Variants in TRIM71 observed in about 807,000 individuals in gnomAD.
TRIM71 encodes tripartite motif containing 71.
TRIM71 carries 9 observed loss-of-function variants against 61.2 expected under a neutral mutation model. The ratio of observed to expected loss-of-function variants is 0.15; its 90% CI spans 0.09 to 0.26. The LOEUF (loss-of-function observed/expected upper bound fraction) is 0.26, where lower values mean the gene tolerates loss of function less well. Among genes scored for constraint, TRIM71 ranks in the 10% least tolerant of loss-of-function variants. TRIM71 has a pLI of 1.00. For synonymous variants in TRIM71, 645 were observed against 553.2 expected (o/e 1.17, Z -2.33); for missense variants, 998 against 1,238.7 (o/e 0.81, Z 2.92).
At chr3:32,848,934 T>C (rs1696507675) in intron 1 of TRIM71, among the ~76,000 whole-genome samples, 1 of 152,132 alleles carries the variant, frequency 6.6e-6, no homozygotes, top group South Asian at 2.1e-4. Context: ...CCCTCACCCC[T>C]ATTCAATGAG....
intron 2 of TRIM71, among the ~76,000 whole-genome samples, chr3:32,885,151 C>T (rs1696946571): frequency 6.6e-6 from 1 of 152,192 alleles, no homozygotes. Flanking sequence ...GCTTCCCTGA[C>T]ACCCTCCTGA....
chr3:32,882,870 C>T (rs1346285872), intron 2 of TRIM71, among the ~76,000 whole-genome samples: 1 of 152,134 alleles, frequency 6.6e-6, no homozygotes, highest in Non-Finnish European at 1.5e-5. Flanking sequence ...TCTTTTTCAC[C>T]CTGACAGCAG....
At chr3:32,867,995 C>T (rs1696757408) in intron 1 of TRIM71, among the ~76,000 whole-genome samples, 1 of 152,094 alleles carries the variant, frequency 6.6e-6, no homozygotes, top group Admixed American at 6.6e-5. Flanking sequence ...TACCATGAAG[C>T]AGCCCCGCTT....
At chr3:32,881,236 C>T (rs867232725) in intron 2 of TRIM71, among the ~76,000 whole-genome samples, 3 of 152,208 alleles carry the variant, frequency 2.0e-5, no homozygotes, top group South Asian at 2.1e-4. Flanking sequence ...CCAGGCTAGT[C>T]TCAACTCCTG....
chr3:32,891,574 C>G lies in TRIM71; in HGVS notation c.2370C>G (p.Gly790=), dbSNP rs762587659. 6.2e-7 allele frequency: 1 copy of G among 1,613,802 alleles called. No homozygotes were observed. The highest frequency in any genetic ancestry group is 8.5e-7 in the Non-Finnish European group (1 of 1,179,876). The change falls in exon 4 of 4, where the codon GGC becomes GGG. Residue 790 remains glycine (G), a synonymous_variant. Coordinates refer to ENST00000383763, the MANE Select transcript of TRIM71 (RefSeq NM_001039111.3). The surrounding 1 kb of genome is among the most constrained non-coding windows in gnomAD (Gnocchi z 8.2). ...GCTTTCTGGGCTCGGAGGGCACAGGCAATGGGCAGTTCCTGCGCCCACAAG... is the reference window on the plus strand; with the variant it reads ...GCTTTCTGGGCTCGGAGGGCACAGGGAATGGGCAGTTCCTGCGCCCACAAG... The part of the protein sequence containing the change: ...SARFLGSEGT[G]NGQFLRPQGV...
chr3:32,835,428 A>G (rs190539411), intron 1 of TRIM71, among the ~76,000 whole-genome samples: 3 of 152,100 alleles, frequency 2.0e-5, no homozygotes, highest in South Asian at 4.2e-4. Flanking sequence ...AGGAACCCGG[A>G]TCAATGAATG....
intron 2 of TRIM71, among the ~76,000 whole-genome samples, chr3:32,880,715 A>T (rs1487947611): frequency 6.6e-6 from 1 of 152,146 alleles, no homozygotes; most frequent in Non-Finnish European, 1.5e-5. Flanking sequence ...GCTTTTTTGA[A>T]CATTCTGTTA....
chr3:32,825,729 C>T (rs1696193495), intron 1 of TRIM71, among the ~76,000 whole-genome samples: 1 of 152,154 alleles, frequency 6.6e-6, no homozygotes. Context: ...TTACAGTTGC[C>T]TTAAGGGAGC....
At chr3:32,824,062 G>A in intron 1 of TRIM71, among the ~76,000 whole-genome samples, 1 of 151,916 alleles carries the variant, frequency 6.6e-6, no homozygotes. Flanking sequence ...GCAACAGTGA[G>A]ACTTGTCTCA....
chr3:32,870,313 C>T (rs1696781337), intron 1 of TRIM71, among the ~76,000 whole-genome samples: 1 of 152,122 alleles, frequency 6.6e-6, no homozygotes, highest in Non-Finnish European at 1.5e-5. Flanking sequence ...ATAACGAGCA[C>T]ATTGAGGCCA....
chr3:32,890,953 C>T lies in TRIM71; in HGVS notation c.1749C>T (p.Gly583=). The change falls in exon 4 of 4, where the codon GGC becomes GGT. Residue 583 remains glycine, a synonymous_variant. Transcript: ENST00000383763. This position sits in a 1 kb window ranked among gnomAD's most constrained non-coding sequence, Gnocchi z 6.2. Reference sequence around the variant, plus strand: ...CTTTCAAGGTGGTGGTCAAGTCAGGCCGCAGCTACGTGGGCATTGGGCTCC... The same window carrying T: ...CTTTCAAGGTGGTGGTCAAGTCAGGTCGCAGCTACGTGGGCATTGGGCTCC... ...NSPFKVVVKS[G]RSYVGIGLPG... is the part of the protein sequence containing the mutation. 3.1e-6 allele frequency: 5 copies of T among 1,614,222 alleles called. No individual in the cohort carries two copies. The highest frequency in any genetic ancestry group is 4.2e-6 in the Non-Finnish European group (5 of 1,180,048).
chr3:32,838,760 G>A (rs1696364607), intron 1 of TRIM71, among the ~76,000 whole-genome samples: 1 of 152,000 alleles, frequency 6.6e-6, no homozygotes, highest in Non-Finnish European at 1.5e-5. Context: ...TTCCATTCCT[G>A]AAGACTATCC....
At position 32,828,982 on chromosome 3, in the gene TRIM71, C is replaced by A. The variant is rs545696865; in HGVS notation, c.852+10050C>A. On this transcript the variant is annotated intron_variant, in intron 1 of 3. Coordinates refer to ENST00000383763, the MANE Select transcript of TRIM71 (RefSeq NM_001039111.3). ...GTTACAGGCATGAGCCACTGTCCCC[C>A]ACTAGAAAGCACTAATTTTTTTTTT... Among the ~76,000 whole-genome samples the A allele has an allele frequency of 5.9e-3, 888 of 150,418 alleles. 6 individuals are homozygous for A. The highest frequency in any genetic ancestry group is 9.1e-3 in the Non-Finnish European group (618 of 67,586).
At chr3:32,884,523 T>C (rs1696939878) in intron 2 of TRIM71, among the ~76,000 whole-genome samples, 1 of 131,534 alleles carries the variant, frequency 7.6e-6, no homozygotes, top group African/African-American at 2.9e-5. Flanking sequence ...TGTGACAAGA[T>C]TCCCCCATCT....
intron 2 of TRIM71, 60 bp from the exon 3 acceptor site, chr3:32,885,874 T>C: frequency 6.4e-7 from 1 of 1,562,700 alleles, no homozygotes; most frequent in Non-Finnish European, 8.7e-7. Context: ...ATTCAAATGT[T>C]TTGTATAAGG....
chr3:32,888,952 A>G (rs1482197547), intron 3 of TRIM71, among the ~76,000 whole-genome samples: 1 of 152,174 alleles, frequency 6.6e-6, no homozygotes, highest in Admixed American at 6.5e-5. Flanking sequence ...AGCTCTCCCT[A>G]TGGCCTTTTG....
chr3:32,823,702 G>T (rs184990287), intron 1 of TRIM71, among the ~76,000 whole-genome samples: 4 of 151,040 alleles, frequency 2.6e-5, no homozygotes, highest in Non-Finnish European at 5.9e-5. Context: ...GCAGTGAGCC[G>T]AGGGTGCAGT....
intron 1 of TRIM71, among the ~76,000 whole-genome samples, chr3:32,858,781 G>T (rs939053): frequency 0.96 from 146,117 of 152,252 alleles, 70,406 homozygotes; most frequent in East Asian, 1. Flanking sequence ...AGGGTGACTT[G>T]TTCAGGGCCA....
rs200356061 is a variant in TRIM71 at position 32,891,150 on chromosome 3, G to A, written c.1946G>A (p.Arg649Gln). 503 of 1,612,830 alleles carry A rather than the reference G, an allele frequency of 3.1e-4. No individual in the cohort carries two copies. Among genetic ancestry groups the A allele is most frequent in the Non-Finnish European group, 3.9e-4 (459 of 1,180,008 alleles). ...CACAAATTCGGCACCCTGGGCTCCC[G>A]GCCTGGGCAGTTCGACCGACCAGCC... ...FHHKFGTLGSRPGQFDRPAGV... is the reference protein window; with the variant it reads ...FHHKFGTLGSQPGQFDRPAGV... Residue 649 changes from arginine (R) to glutamine (Q), a missense_variant, in exon 4 of 4, where the codon CGG becomes CAG. By Grantham distance (43) the Arg-to-Gln change is conservative. Around this residue, in one of 5 missense-constraint regions of TRIM71, gnomAD observed 83 missense variants for 202.7 expected, o/e 0.41. Transcript: ENST00000383763. The surrounding 1 kb of genome is among the most constrained non-coding windows in gnomAD (Gnocchi z 8.2).
Sources: allele counts gnomAD v4.1 joint callset (sites outside exome capture counted in the v4.1 genomes callset), GRCh38; gene constraint gnomAD v4.1.1; regional missense constraint gnomAD v4.1.1; non-coding constraint Gnocchi (gnomAD v3.1); transcripts MANE v1.5; gene names NCBI Gene and HGNC (gene_info 2026-07-23, HGNC 2026-07-21).